Variants in AGTPBP1 observed in about 807,000 individuals in gnomAD.
AGTPBP1 encodes the protein cytosolic carboxypeptidase 1.
AGTPBP1 carries 70 observed loss-of-function variants against 143.9 expected under a neutral mutation model. That is an observed-to-expected ratio of 0.49 (90% CI 0.40 to 0.59). AGTPBP1 has a LOEUF of 0.59. Ranked by LOEUF, AGTPBP1 falls within the 20% of genes least tolerant of loss-of-function variation. AGTPBP1 has a pLI of 0.00. For missense variants in AGTPBP1, 1,229 were observed against 1,464.5 expected (o/e 0.84, Z 2.62); for synonymous variants, 463 against 500.2 (o/e 0.93, Z 0.99).
intron 1 of AGTPBP1, among the ~76,000 whole-genome samples, chr9:85,723,460 A>C (rs937184762): frequency 6.6e-6 from 1 of 152,200 alleles, no homozygotes; most frequent in Non-Finnish European, 1.5e-5. Context: ...CTGCTGCACT[A>C]GCTGTGAGCA....
rs1156931410 is a variant in AGTPBP1 at position 85,689,898 on chromosome 9, CAAAAAAAA to C, written c.157+2783_157+2790del. The stretch of plus-strand genomic sequence containing the variant: ...CAACAGAGTGAGAGAGACTCTGCCT[CAAAAAAAA>C]AAAAAAAAAAAAAAAAAAAATATAT... On this transcript the variant is annotated intron_variant, in intron 3 of 25. Transcript: ENST00000357081. Among the ~76,000 whole-genome samples, 23 of 28,344 alleles carry C rather than the reference CAAAAAAAA, an allele frequency of 8.1e-4. No homozygotes were observed. In the South Asian group the frequency reaches 0.014, roughly 17 times the overall value. The allele number at this position is 28,344 out of a possible 152,430, so 18.6% of individuals were successfully genotyped here.
the AGTPBP1 span, among the ~76,000 whole-genome samples, chr9:85,797,047 A>G: frequency 5.9e-5 from 9 of 152,218 alleles, no homozygotes; most frequent in Admixed American, 5.9e-4. Flanking sequence ...GGCCTCCCAA[A>G]GTGCTGGGAT....
intron 3 of AGTPBP1, among the ~76,000 whole-genome samples, chr9:85,691,536 G>GGGGTGTGT (rs147512485): frequency 0.022 from 3,122 of 144,516 alleles, 120 homozygotes; most frequent in African/African-American, 0.074. Flanking sequence ...AAAAAAAGAG[G>GGGGTGTGT]GTGTGTGTGT....
intron 2 of AGTPBP1, among the ~76,000 whole-genome samples, chr9:85,709,282 A>G (rs1289464635): frequency 6.6e-6 from 1 of 152,226 alleles, no homozygotes; most frequent in Admixed American, 6.5e-5. Context: ...TTCATACTGG[A>G]TAAAAAATTC....
rs369396866 is a variant in AGTPBP1, at chr9:85,551,241, T to A, written c.3504-3955A>T. 2.0e-4 allele frequency among the ~76,000 whole-genome samples: 31 copies of A among 152,302 alleles called. 1 individual carries two copies. The highest frequency in any genetic ancestry group is 3.4e-3 in the Middle Eastern group (1 of 294). On this transcript the variant is annotated intron_variant, in intron 25 of 25. Transcript: ENST00000357081. ...CGGTCTCAGTTTATAAGTACCCAGT[T>A]GCTATAAAGGAATACCTTTATAATG...
intron 1 of AGTPBP1, among the ~76,000 whole-genome samples, chr9:85,740,526 AT>A (rs1824186020): frequency 6.6e-6 from 1 of 152,236 alleles, no homozygotes; most frequent in Non-Finnish European, 1.5e-5. Context: ...AATAAGCACC[AT>A]TTAAAGTTCC....
chr9:85,754,890 C>T, the AGTPBP1 span, among the ~76,000 whole-genome samples: 1 of 150,560 alleles, frequency 6.6e-6, no homozygotes, highest in African/African-American at 2.5e-5. Flanking sequence ...CTTTCAAACC[C>T]CACTCACAGT....
At chr9:85,681,741 A>G (rs1041808847) in intron 3 of AGTPBP1, among the ~76,000 whole-genome samples, 2 of 141,940 alleles carry the variant, frequency 1.4e-5, no homozygotes, top group Non-Finnish European at 3.0e-5. Flanking sequence ...GATTGCATTA[A>G]TATCTTTTTT....
At chr9:85,592,767 C>G in intron 18 of AGTPBP1, 63 bp from the exon 19 acceptor site, 1 of 1,559,482 alleles carries the variant, frequency 6.4e-7, no homozygotes, top group South Asian at 1.2e-5. Context: ...TTCCTTGTTA[C>G]TTTTATTAAA....
chr9:85,551,617 C>T (rs544405205), intron 25 of AGTPBP1, among the ~76,000 whole-genome samples: 2 of 152,288 alleles, frequency 1.3e-5, no homozygotes, highest in African/African-American at 4.8e-5. Flanking sequence ...TTGAGGTTGA[C>T]GAGATCCTCA....
At chr9:85,735,731 TA>T (rs1368650524) in intron 1 of AGTPBP1, among the ~76,000 whole-genome samples, 1 of 152,198 alleles carries the variant, frequency 6.6e-6, no homozygotes, top group African/African-American at 2.4e-5. Flanking sequence ...GTGTTGACCA[TA>T]AATTAATAAA....
the AGTPBP1 span, among the ~76,000 whole-genome samples, chr9:85,754,451 G>A: frequency 6.6e-6 from 1 of 152,078 alleles, no homozygotes; most frequent in South Asian, 2.1e-4. Flanking sequence ...CAAAGTGCTG[G>A]GATTACAGGT....
intron 15 of AGTPBP1, among the ~76,000 whole-genome samples, 197 bp downstream of exon 15, chr9:85,621,005 C>T (rs952836748): frequency 6.6e-5 from 10 of 152,102 alleles, no homozygotes; most frequent in Non-Finnish European, 1.0e-4. Flanking sequence ...AGTAGGTAAA[C>T]GTGACTTACC....
At chr9:85,619,729 G>A (rs975346124) in intron 15 of AGTPBP1, among the ~76,000 whole-genome samples, 6 of 152,090 alleles carry the variant, frequency 3.9e-5, no homozygotes, top group South Asian at 2.1e-4. Flanking sequence ...AGAAGCACAC[G>A]TATTATCATT....
intron 2 of AGTPBP1, among the ~76,000 whole-genome samples, chr9:85,698,091 C>CTTTT (rs370115913): frequency 1.3e-4 from 20 of 148,366 alleles, no homozygotes; most frequent in Admixed American, 1.0e-3. Flanking sequence ...AAAAGGTCAT[C>CTTTT]TTTTTTTTTT....
the AGTPBP1 span, among the ~76,000 whole-genome samples, chr9:85,799,292 C>T: frequency 0.061 from 9,261 of 152,142 alleles, 395 homozygotes; most frequent in Non-Finnish European, 0.097. Context: ...AATAAACATA[C>T]GTGTGTGTAT....
intron 25 of AGTPBP1, among the ~76,000 whole-genome samples, chr9:85,572,002 GTGTTTTTTTTT>G (rs1329567887): frequency 1.2e-4 from 10 of 85,288 alleles, no homozygotes; most frequent in Admixed American, 1.4e-4. Context: ...TTGTTTGTGT[GTGTTTTTTTTT>G]TTTTTTTTTT....
At chr9:85,577,401 G>C (rs750623901) in intron 24 of AGTPBP1, among the ~76,000 whole-genome samples, 5 of 152,164 alleles carry the variant, frequency 3.3e-5, no homozygotes, top group Non-Finnish European at 7.4e-5. Context: ...TGATTCTCAA[G>C]TTTTTTCCCC....
intron 14 of AGTPBP1, among the ~76,000 whole-genome samples, chr9:85,622,023 T>C (rs1830968498): frequency 6.6e-6 from 1 of 152,178 alleles, no homozygotes; most frequent in Admixed American, 6.5e-5. Context: ...CACTAAAATA[T>C]AGCCAAAACA....
Sources: allele counts gnomAD v4.1 joint callset (sites outside exome capture counted in the v4.1 genomes callset), GRCh38; gene constraint gnomAD v4.1.1; transcripts MANE v1.5; gene names NCBI Gene and HGNC (gene_info 2026-07-23, HGNC 2026-07-21).